Variants in HDDC2 observed in about 807,000 individuals in gnomAD.
HDDC2 encodes 5'-deoxynucleotidase HDDC2.
Under a neutral mutation model 25.5 loss-of-function variants are expected in HDDC2, and 25 were observed. The observed-to-expected ratio is 0.98, with a 90% CI of 0.72 to 1.37. The LOEUF (loss-of-function observed/expected upper bound fraction) is 1.37, where lower values mean the gene tolerates loss of function less well. HDDC2 is among the 40% of genes most tolerant of loss of function. The pLI is 0.00. For missense variants in HDDC2, 264 were observed against 253.1 expected (o/e 1.04, Z -0.29); for synonymous variants, 106 against 89.7 (o/e 1.18, Z -1.03).
rs1325871427 is a variant in HDDC2, at chr6:125,289,510, C to CA, written c.378+3330dup. On this transcript the variant is annotated intron_variant, in intron 4 of 5. Transcript: ENST00000398153. ...AAAAAAAAAATTAAAAAAAACAAAA[C>CA]AAAACAAAAAAAACAAAAAAAAAAC... Among the ~76,000 whole-genome samples, 435 of 129,336 alleles carry CA rather than the reference C, an allele frequency of 3.4e-3. 5 individuals are homozygous for CA. Among genetic ancestry groups the CA allele is most frequent in the African/African-American group, 0.014 (400 of 29,240 alleles). The allele number at this position is 129,336 out of a possible 152,430, so 84.8% of individuals were successfully genotyped here.
chr6:125,288,269 G>A (rs1227154990), intron 4 of HDDC2, among the ~76,000 whole-genome samples: 1 of 152,120 alleles, frequency 6.6e-6, no homozygotes, highest in Non-Finnish European at 1.5e-5. Flanking sequence ...GTGGGGCACA[G>A]ACAGGGGAGG....
intron 4 of HDDC2, among the ~76,000 whole-genome samples, chr6:125,284,264 A>G (rs1429065351): frequency 2.6e-5 from 4 of 152,238 alleles, no homozygotes; most frequent in Admixed American, 2.6e-4. Flanking sequence ...CAAAGACTTC[A>G]TGACTAAAAT....
intron 4 of HDDC2, 115 bp from the exon 5 acceptor site, chr6:125,277,355 C>T (rs1279339592): frequency 1.8e-5 from 17 of 945,318 alleles, no homozygotes; most frequent in Admixed American, 6.8e-5. Flanking sequence ...CATTCTGTAT[C>T]GGCCCCATTT....
intron 3 of HDDC2, among the ~76,000 whole-genome samples, chr6:125,296,095 G>A (rs150265595): frequency 6.2e-4 from 93 of 149,580 alleles, no homozygotes; most frequent in African/African-American, 2.2e-3. Flanking sequence ...TGCATTAACG[G>A]ATTCAACCAA....
At chr6:125,285,452 A>C (rs909680659) in intron 4 of HDDC2, among the ~76,000 whole-genome samples, 3 of 152,158 alleles carry the variant, frequency 2.0e-5, no homozygotes, top group African/African-American at 7.2e-5. Flanking sequence ...AAATATGATA[A>C]ATAATGCCTT....
intron 3 of HDDC2, among the ~76,000 whole-genome samples, chr6:125,295,761 T>C (rs3778450): frequency 0.09 from 13,774 of 152,220 alleles, 658 homozygotes; most frequent in Middle Eastern, 0.14. Flanking sequence ...ACCACGACTC[T>C]GCCCTCTGTT....
At chr6:125,290,027 G>A (rs1410635896) in intron 4 of HDDC2, among the ~76,000 whole-genome samples, 2 of 152,144 alleles carry the variant, frequency 1.3e-5, no homozygotes, top group African/African-American at 4.8e-5. Flanking sequence ...ATGTTTAATG[G>A]CTGCAAATAG....
At chr6:125,276,405 A>C (rs1798370562) in intron 5 of HDDC2, 162 bp from the exon 6 acceptor site, 2 of 606,892 alleles carry the variant, frequency 3.3e-6, no homozygotes, top group Non-Finnish European at 5.8e-6. Context: ...GAAGGGGCTG[A>C]AGGGGACCAC....
chr6:125,292,100 T>C (rs1344875322), intron 4 of HDDC2, among the ~76,000 whole-genome samples: 1 of 151,666 alleles, frequency 6.6e-6, no homozygotes, highest in Non-Finnish European at 1.5e-5. Context: ...GAAGAAGATG[T>C]GAAAAGTGAG....
chr6:125,301,817 G>C lies in HDDC2; in HGVS notation c.84+32C>G, dbSNP rs920773691. On this transcript the variant is annotated intron_variant, in intron 1 of 5. Coordinates refer to ENST00000398153, the MANE Select transcript of HDDC2 (RefSeq NM_016063.3). ...CGCCGCCCCACAGTCCCGCCCGCTC[G>C]GCCGCGGCCTCCCGGCCTGGTGCCC... The C allele has an allele frequency of 4.0e-6, 6 of 1,510,372 alleles. No homozygotes were observed. The African/African-American group carries it at 4.2e-5, about 11-fold the overall frequency. The allele number at this position is 1,510,372 out of a possible 1,614,324, so 93.6% of individuals were successfully genotyped here.
chr6:125,295,038 T>C lies in HDDC2; in HGVS notation c.310-2129A>G, dbSNP rs557221379. ...TTTGAAACCTTGTAGAGAGTTAATA[T>C]TCTTTGTTTGGCAGCACATGCCAGA... On this transcript the variant is annotated intron_variant, in intron 3 of 5. Coordinates refer to ENST00000398153, the MANE Select transcript of HDDC2 (RefSeq NM_016063.3). Among the ~76,000 whole-genome samples the C allele has an allele frequency of 9.8e-5, 15 of 152,352 alleles. No individual in the cohort carries two copies. The South Asian group carries it at 1.0e-3, about 11-fold the overall frequency.
intron 4 of HDDC2, among the ~76,000 whole-genome samples, chr6:125,284,865 G>A (rs1171587082): frequency 6.6e-6 from 1 of 152,168 alleles, no homozygotes; most frequent in Non-Finnish European, 1.5e-5. Context: ...ACATGCACAC[G>A]TATGTTTAAT....
chr6:125,289,595 T>C (rs1798600213), intron 4 of HDDC2, among the ~76,000 whole-genome samples: 1 of 152,110 alleles, frequency 6.6e-6, no homozygotes, highest in African/African-American at 2.4e-5. Context: ...CTTGGAAGTT[T>C]ATCTTTTGCA....
At chr6:125,282,362 A>G (rs56408438) in intron 4 of HDDC2, among the ~76,000 whole-genome samples, 1 of 151,430 alleles carries the variant, frequency 6.6e-6, no homozygotes, top group African/African-American at 2.4e-5. Flanking sequence ...AAAAAAAAAG[A>G]AAAAAGAAAA....
chr6:125,279,849 T>A (rs1292017809), intron 4 of HDDC2, among the ~76,000 whole-genome samples: 1 of 152,136 alleles, frequency 6.6e-6, no homozygotes, highest in Non-Finnish European at 1.5e-5. Flanking sequence ...CAAAAAGACA[T>A]ATCAAAAAGA....
At chr6:125,281,978 C>T (rs534322952) in intron 4 of HDDC2, among the ~76,000 whole-genome samples, 1 of 152,268 alleles carries the variant, frequency 6.6e-6, no homozygotes, top group African/African-American at 2.4e-5. Context: ...CAAAGGGAAG[C>T]CCATCAGACT....
intron 4 of HDDC2, among the ~76,000 whole-genome samples, chr6:125,283,014 T>C (rs558883633): frequency 3.3e-5 from 5 of 152,318 alleles, no homozygotes; most frequent in East Asian, 1.9e-4. Flanking sequence ...GTTTAACATA[T>C]GCAAATCAAT....
At chr6:125,292,813 A>G (rs1481098853) in intron 4 of HDDC2, 28 bp downstream of exon 4, 21 of 1,556,502 alleles carry the variant, frequency 1.3e-5, no homozygotes, top group Admixed American at 3.3e-5. Flanking sequence ...ATACAAATTA[A>G]AAACAGTAAC....
intron 1 of HDDC2, 89 bp downstream of exon 1, chr6:125,301,760 G>C (rs1237514697): frequency 9.2e-6 from 9 of 978,300 alleles, no homozygotes; most frequent in East Asian, 9.0e-5. Context: ...GAAGGGCAAA[G>C]ACCGCCGGCC....
Sources: allele counts gnomAD v4.1 joint callset (sites outside exome capture counted in the v4.1 genomes callset), GRCh38; gene constraint gnomAD v4.1.1; transcripts MANE v1.5; gene names NCBI Gene and HGNC (gene_info 2026-07-23, HGNC 2026-07-21).